Variants in FER1L6 observed in about 807,000 individuals in gnomAD.
FER1L6 encodes fer-1 like family member 6.
A neutral mutation model predicts 219.2 loss-of-function variants in FER1L6; 177 were observed. That is an observed-to-expected ratio of 0.81 (90% CI 0.71 to 0.91). FER1L6 has a LOEUF of 0.91. FER1L6 is among the 40% of genes least tolerant of loss of function. FER1L6 has a pLI of 0.00. For synonymous variants in FER1L6, 768 were observed against 824.3 expected, an observed-to-expected ratio of 0.93 and a Z score of 1.17; for missense variants, 2,153 against 2,259.9, an observed-to-expected ratio of 0.95 and a Z score of 0.96.
At chr8:124,064,261 ATCTG>A (rs1418645440) in intron 25 of FER1L6, 82 bp from the exon 26 acceptor site, 1 of 1,020,550 alleles carries the variant, frequency 9.8e-7, no homozygotes, top group African/African-American at 1.6e-5. Flanking sequence ...TTGAATCCGA[ATCTG>A]TCTGATTCCT....
intron 12 of FER1L6, among the ~76,000 whole-genome samples, chr8:123,998,373 A>ACTCTCTCTCTCTCTCTCTCTCTCT (rs746709688): frequency 3.1e-5 from 1 of 32,456 alleles, no homozygotes; most frequent in Admixed American, 4.6e-4. Context: ...AAAGAGGGAA[A>ACTCTCTCTCTCTCTCTCTCTCTCT]CTCTCTCTCT....
At chr8:123,914,887 T>C (rs72709104) in intron 1 of FER1L6, among the ~76,000 whole-genome samples, 44,939 of 151,908 alleles carry the variant, frequency 0.3, 6,879 homozygotes, top group East Asian at 0.44. Context: ...GATGAGTAAA[T>C]ACATCTTCAC....
intron 39 of FER1L6, among the ~76,000 whole-genome samples, chr8:124,106,555 C>T (rs1189568336): frequency 6.6e-6 from 1 of 152,094 alleles, no homozygotes; most frequent in African/African-American, 2.4e-5. Context: ...TTCCCGGACT[C>T]TTGCTTGTCT....
At chr8:123,937,187 G>C (rs544935622) in intron 1 of FER1L6, among the ~76,000 whole-genome samples, 1 of 152,310 alleles carries the variant, frequency 6.6e-6, no homozygotes, top group African/African-American at 2.4e-5. Flanking sequence ...GATTACAGGC[G>C]TGAGCCACCA....
intron 14 of FER1L6, among the ~76,000 whole-genome samples, chr8:124,010,961 G>T (rs1817894196): frequency 6.6e-6 from 1 of 152,108 alleles, no homozygotes; most frequent in South Asian, 2.1e-4. Flanking sequence ...GCTGTTATAG[G>T]ATCTAGGTAT....
chr8:123,987,716 G>A (rs1364775529), intron 12 of FER1L6, among the ~76,000 whole-genome samples: 1 of 152,132 alleles, frequency 6.6e-6, no homozygotes, highest in Non-Finnish European at 1.5e-5. Flanking sequence ...GAACATAGGG[G>A]TCTAGTTTCA....
chr8:123,931,890 T>C (rs1813782518), intron 1 of FER1L6, among the ~76,000 whole-genome samples: 1 of 152,208 alleles, frequency 6.6e-6, no homozygotes, highest in Non-Finnish European at 1.5e-5. Context: ...TGGAACTAAA[T>C]ATTGAAGTAC....
chr8:123,958,702 A>AC (rs985955186), intron 2 of FER1L6, among the ~76,000 whole-genome samples: 53 of 128,758 alleles, frequency 4.1e-4, no homozygotes, highest in African/African-American at 1.5e-3. Flanking sequence ...TGCTATTAAA[A>AC]AAAAACCCAA....
intron 31 of FER1L6, among the ~76,000 whole-genome samples, chr8:124,074,980 T>C (rs907681099): frequency 1.3e-5 from 2 of 152,314 alleles, no homozygotes; most frequent in East Asian, 3.9e-4. Flanking sequence ...TTACCATGAA[T>C]GGAGCTTGCC....
At chr8:123,893,741 C>G (rs1812691299) in intron 1 of FER1L6, among the ~76,000 whole-genome samples, 1 of 152,106 alleles carries the variant, frequency 6.6e-6, no homozygotes, top group African/African-American at 2.4e-5. Flanking sequence ...TTAGGAGAAC[C>G]TACATGGACA....
At chr8:123,978,773 A>T (rs1323200849) in intron 10 of FER1L6, among the ~76,000 whole-genome samples, 2 of 152,202 alleles carry the variant, frequency 1.3e-5, no homozygotes, top group Non-Finnish European at 2.9e-5. Flanking sequence ...AGTAAACAAG[A>T]TTTACACATT....
At chr8:123,921,882 G>A (rs34895349) in intron 1 of FER1L6, among the ~76,000 whole-genome samples, 35,126 of 152,030 alleles carry the variant, frequency 0.23, 4,741 homozygotes, top group East Asian at 0.42. Flanking sequence ...TTGTCAAGCC[G>A]CTTGTAACGT....
At chr8:124,097,967 G>T (rs1822382948) in intron 37 of FER1L6, 84 bp downstream of exon 37, 2 of 739,122 alleles carry the variant, frequency 2.7e-6, no homozygotes, top group Non-Finnish European at 4.8e-6. Context: ...CCTCATGGAG[G>T]ATACTAAACC....
intron 1 of FER1L6, among the ~76,000 whole-genome samples, chr8:123,859,495 CCCT>C (rs1816706532): frequency 6.6e-6 from 1 of 151,806 alleles, no homozygotes; most frequent in South Asian, 2.1e-4. Context: ...TTTTCCCCAT[CCCT>C]CCTCCTCCCA....
At chr8:124,094,825 T>C (rs1822204153) in intron 34 of FER1L6, 71 bp from the exon 35 acceptor site, 2 of 1,520,344 alleles carry the variant, frequency 1.3e-6, no homozygotes, top group Non-Finnish European at 1.8e-6. Context: ...TGTTTAAAAA[T>C]GCATGTGGCA....
At chr8:124,038,305 T>G (rs1157260163) in intron 19 of FER1L6, among the ~76,000 whole-genome samples, 2 of 152,258 alleles carry the variant, frequency 1.3e-5, no homozygotes, top group Non-Finnish European at 2.9e-5. Flanking sequence ...TTGAATGTGC[T>G]TTGGTGAATG....
intron 39 of FER1L6, among the ~76,000 whole-genome samples, chr8:124,114,894 CGTATATATAT>C (rs1321015333): frequency 1.3e-4 from 4 of 30,930 alleles, no homozygotes; most frequent in African/African-American, 3.2e-4. Context: ...TGTGTGTGTG[CGTATATATAT>C]ATATATATAT....
At chr8:124,003,691 T>C (rs887793636) in intron 13 of FER1L6, among the ~76,000 whole-genome samples, 3 of 151,972 alleles carry the variant, frequency 2.0e-5, no homozygotes, top group Admixed American at 6.6e-5. Flanking sequence ...ATGGTCTCAA[T>C]CTCCTGATCT....
chr8:123,939,038 C>A, intron 1 of FER1L6: 1 of 459,240 alleles, frequency 2.2e-6, no homozygotes, highest in Non-Finnish European at 2.9e-6. Context: ...GCACATTCAT[C>A]TGAGCATAGC....
Sources: allele counts gnomAD v4.1 joint callset (sites outside exome capture counted in the v4.1 genomes callset), GRCh38; gene constraint gnomAD v4.1.1; transcripts MANE v1.5; gene names NCBI Gene and HGNC (gene_info 2026-07-23, HGNC 2026-07-21).